Variants in CNBD1 observed in about 807,000 individuals in gnomAD.
CNBD1 encodes the protein cyclic nucleotide-binding domain-containing protein 1.
Under a neutral mutation model 54.4 loss-of-function variants are expected in CNBD1, and 71 were observed. The ratio of observed to expected loss-of-function variants is 1.30; its 90% CI spans 1.08 to 1.59. The LOEUF is 1.59. Ranked by LOEUF, CNBD1 falls within the 40% of genes most tolerant of loss-of-function variation. The pLI is 0.00. For missense variants in CNBD1, 659 were observed against 518.0 expected (o/e 1.27, Z -2.64); for synonymous variants, 182 against 170.7 (o/e 1.07, Z -0.51).
chr8:87,240,579 T>A (rs910475217), intron 6 of CNBD1, among the ~76,000 whole-genome samples: 2 of 152,206 alleles, frequency 1.3e-5, no homozygotes, highest in Non-Finnish European at 2.9e-5. Flanking sequence ...ACTCAGCTTA[T>A]GCCTTATTGT....
chr8:86,932,484 CTG>C (rs1659680786), intron 3 of CNBD1, among the ~76,000 whole-genome samples: 1 of 152,224 alleles, frequency 6.6e-6, no homozygotes, highest in Admixed American at 6.5e-5. Context: ...TGAAGGTAAA[CTG>C]AGAGGTCCTC....
At chr8:87,425,640 G>T (rs1270297471) in intron 2 of CNBD1, among the ~76,000 whole-genome samples, 1 of 152,104 alleles carries the variant, frequency 6.6e-6, no homozygotes, top group East Asian at 1.9e-4. Flanking sequence ...CGGGGGTCAG[G>T]GGTCAGGGAC....
chr8:86,923,256 C>G (rs1001023633), intron 3 of CNBD1, among the ~76,000 whole-genome samples: 1 of 152,110 alleles, frequency 6.6e-6, no homozygotes, highest in African/African-American at 2.4e-5. Flanking sequence ...ATCCTTGTCT[C>G]GATGAAGGTC....
intron 4 of CNBD1, among the ~76,000 whole-genome samples, chr8:87,170,426 A>G (rs1416442831): frequency 6.6e-6 from 1 of 152,146 alleles, no homozygotes; most frequent in Non-Finnish European, 1.5e-5. Flanking sequence ...CTCTTATCTG[A>G]TCGCTCTAGC....
rs535990167 is a variant in CNBD1 at position 86,961,746 on chromosome 8, G to T, written c.431+21992G>T. 2.4e-3 allele frequency among the ~76,000 whole-genome samples: 361 copies of T among 152,352 alleles called. 2 individuals are homozygous for T. Among genetic ancestry groups the T allele is most frequent in the African/African-American group, 8.5e-3 (352 of 41,582 alleles). The stretch of plus-strand genomic sequence containing the variant: ...AAGGCCATGCTTTCTCAGGCTTCCT[G>T]TTCCACCAGAGTGACAGCCATGAAG... On this transcript the variant is annotated intron_variant, in intron 4 of 10. Transcript: ENST00000518476.
chr8:87,140,598 G>A (rs1460487767), intron 4 of CNBD1, among the ~76,000 whole-genome samples: 2 of 152,118 alleles, frequency 1.3e-5, no homozygotes, highest in African/African-American at 4.8e-5. Context: ...TCATGAGATG[G>A]CAGGAGAGAG....
At chr8:87,096,405 C>CCTTA (rs1184874502) in intron 4 of CNBD1, among the ~76,000 whole-genome samples, 1 of 149,628 alleles carries the variant, frequency 6.7e-6, no homozygotes. Flanking sequence ...CCACCCCCAA[C>CCTTA]CTTATGACCT....
chr8:87,125,323 A>C (rs1211028975), intron 4 of CNBD1, among the ~76,000 whole-genome samples: 1 of 151,770 alleles, frequency 6.6e-6, no homozygotes, highest in Non-Finnish European at 1.5e-5. Flanking sequence ...AAATACCCAA[A>C]ACAATCTTGA....
At chr8:86,873,225 C>T (rs1808466765) in intron 1 of CNBD1, among the ~76,000 whole-genome samples, 1 of 151,780 alleles carries the variant, frequency 6.6e-6, no homozygotes, top group Admixed American at 6.6e-5. Flanking sequence ...CCTCAGCCTC[C>T]CAGGTAGCTG....
intron 8 of CNBD1, among the ~76,000 whole-genome samples, chr8:87,326,253 A>C (rs1226199617): frequency 8.2e-6 from 1 of 121,750 alleles, no homozygotes; most frequent in South Asian, 2.5e-4. Context: ...CCTTCATTTC[A>C]ACTTTGGTGA....
Position 87,236,954 on chromosome 8 carries a change from G to T in CNBD1, c.613G>T (p.Gly205Cys), listed in dbSNP as rs779617810. 6.2e-7 allele frequency: 1 copy of T among 1,609,830 alleles called. No individual in the cohort carries two copies. Among genetic ancestry groups the T allele is most frequent in the South Asian group, 1.1e-5 (1 of 90,616 alleles). Residue 205 changes from glycine (G) to cysteine (C), a missense_variant, in exon 6 of 11, where the codon GGC (glycine) becomes TGC (cysteine). By Grantham distance (159) the Gly-to-Cys change is radical. Transcript: ENST00000518476. ...TGATGGATTTTATGTAATACTGAAAGGCCTAGCTCGACCTCAAACAAACGT... is the reference window on the plus strand; with the variant it reads ...TGATGGATTTTATGTAATACTGAAATGCCTAGCTCGACCTCAAACAAACGT... ...ANDGFYVILK[G>C]LARPQTNVYK...
At chr8:87,356,487 C>T (rs887343348) in intron 10 of CNBD1, among the ~76,000 whole-genome samples, 4 of 152,104 alleles carry the variant, frequency 2.6e-5, no homozygotes, top group African/African-American at 9.7e-5. Flanking sequence ...TGTCCATGCC[C>T]TAAAGATTTG....
At chr8:87,190,498 A>G (rs1813578526) in intron 4 of CNBD1, among the ~76,000 whole-genome samples, 2 of 151,976 alleles carry the variant, frequency 1.3e-5, no homozygotes, top group South Asian at 4.2e-4. Flanking sequence ...TTTGTCCATT[A>G]CTACCCTCTT....
intron 4 of CNBD1, among the ~76,000 whole-genome samples, chr8:87,080,004 G>C (rs1481404934): frequency 6.6e-6 from 1 of 152,122 alleles, no homozygotes; most frequent in Non-Finnish European, 1.5e-5. Flanking sequence ...TGAAGTAAAT[G>C]TCAGTGTTCA....
intron 2 of CNBD1, among the ~76,000 whole-genome samples, chr8:87,420,608 T>C (rs900646464): frequency 2.0e-4 from 30 of 152,088 alleles, no homozygotes; most frequent in African/African-American, 7.0e-4. Context: ...GACAACCCCA[T>C]TTCAAATAAA....
chr8:87,014,432 A>G (rs1809310380), intron 4 of CNBD1, among the ~76,000 whole-genome samples: 1 of 152,114 alleles, frequency 6.6e-6, no homozygotes, highest in Non-Finnish European at 1.5e-5. Context: ...TTAAATGAAA[A>G]CAACTGCATA....
intron 2 of CNBD1, among the ~76,000 whole-genome samples, chr8:87,424,150 A>G (rs1028316500): frequency 5.9e-5 from 9 of 151,926 alleles, no homozygotes; most frequent in African/African-American, 1.9e-4. Context: ...TATTGCATCT[A>G]TTTGACTCTT....
intron 8 of CNBD1, among the ~76,000 whole-genome samples, chr8:87,346,380 G>T (rs1403548397): frequency 1.3e-5 from 2 of 151,730 alleles, no homozygotes; most frequent in South Asian, 2.1e-4. Flanking sequence ...GAGAATCCAG[G>T]TTTGATATGT....
intron 5 of CNBD1, among the ~76,000 whole-genome samples, chr8:87,210,666 T>C (rs1000335957): frequency 6.6e-6 from 1 of 152,146 alleles, no homozygotes; most frequent in African/African-American, 2.4e-5. Flanking sequence ...GTGGTTTCCA[T>C]GTAGTGTTAA....
Sources: gnomAD v4.1 joint callset for allele counts (sites outside exome capture counted in the v4.1 genomes callset) on GRCh38, gnomAD v4.1.1 for gene constraint, MANE v1.5 for transcripts, NCBI Gene and HGNC (gene_info 2026-07-23, HGNC 2026-07-21) for gene names.